The following PCDH7 variants were observed in gnomAD, a reference collection of about 807,000 sequenced individuals.
PCDH7 encodes protocadherin-7.
PCDH7 carries 17 observed loss-of-function variants against 58.9 expected under a neutral mutation model. That is an observed-to-expected ratio of 0.29 (90% CI 0.20 to 0.43). The LOEUF is 0.43. Ranked by LOEUF, PCDH7 falls within the 20% of genes least tolerant of loss-of-function variation. PCDH7 has a pLI of 1.00. For synonymous variants in PCDH7, 664 were observed against 616.4 expected, an observed-to-expected ratio of 1.08 and a Z score of -1.14; for missense variants, 1,274 against 1,441.0, an observed-to-expected ratio of 0.88 and a Z score of 1.88.
intron 1 of PCDH7, among the ~76,000 whole-genome samples, chr4:30,816,600 A>C (rs980021841): frequency 6.6e-6 from 1 of 152,072 alleles, no homozygotes; most frequent in Non-Finnish European, 1.5e-5. Flanking sequence ...ATATGTTTAC[A>C]ATGATAAATC....
intron 1 of PCDH7, among the ~76,000 whole-genome samples, chr4:30,836,156 A>G (rs1210183169): frequency 6.6e-6 from 1 of 152,214 alleles, no homozygotes; most frequent in Non-Finnish European, 1.5e-5. Context: ...AGATGTTGTA[A>G]GTACTGACTT....
intron 1 of PCDH7, among the ~76,000 whole-genome samples, chr4:30,849,602 T>A (rs1732450416): frequency 6.6e-6 from 1 of 152,284 alleles, no homozygotes; most frequent in Admixed American, 6.5e-5. Flanking sequence ...TATATAATTT[T>A]GTAAGTTTAT....
chr4:30,867,426 G>T (rs530832850), intron 1 of PCDH7, among the ~76,000 whole-genome samples: 2 of 152,156 alleles, frequency 1.3e-5, no homozygotes, highest in South Asian at 2.1e-4. Flanking sequence ...CTATACTTCA[G>T]GGCACCTAAT....
At chr4:30,797,141 A>G (rs1300281328) in intron 1 of PCDH7, among the ~76,000 whole-genome samples, 4 of 140,192 alleles carry the variant, frequency 2.9e-5, no homozygotes. Flanking sequence ...TTATATTTTT[A>G]GTAGAGATGA....
intron 3 of PCDH7, among the ~76,000 whole-genome samples, chr4:31,108,399 A>T (rs1324874762): frequency 8.0e-5 from 8 of 100,210 alleles, no homozygotes; most frequent in African/African-American, 3.7e-4. Context: ...AAAAAAAAAA[A>T]AAAAAAAAAA....
At chr4:31,074,344 G>A (rs1758794123) in intron 3 of PCDH7, among the ~76,000 whole-genome samples, 1 of 151,402 alleles carries the variant, frequency 6.6e-6, no homozygotes, top group Admixed American at 6.6e-5. Context: ...TAGTTGAATG[G>A]ATGAAGATAT....
chr4:30,836,422 T>A (rs1205895084), intron 1 of PCDH7, among the ~76,000 whole-genome samples: 1 of 152,194 alleles, frequency 6.6e-6, no homozygotes, highest in East Asian at 1.9e-4. Context: ...AATGTTGTCT[T>A]TGGCAAGAAA....
chr4:30,944,267 G>T (rs1185200932), intron 2 of PCDH7, among the ~76,000 whole-genome samples: 1 of 151,996 alleles, frequency 6.6e-6, no homozygotes, highest in African/African-American at 2.4e-5. Context: ...ATGTGCAAAA[G>T]TGTCAAATAA....
chr4:31,089,678 T>C (rs969807990), intron 3 of PCDH7, among the ~76,000 whole-genome samples: 1 of 152,108 alleles, frequency 6.6e-6, no homozygotes, highest in Non-Finnish European at 1.5e-5. Context: ...CTTGAGAATT[T>C]CTAAAGCCAT....
intron 3 of PCDH7, among the ~76,000 whole-genome samples, chr4:31,022,522 T>C (rs1754107243): frequency 6.6e-6 from 1 of 152,192 alleles, no homozygotes. Flanking sequence ...GTACATTTCT[T>C]ATATGTTTAT....
intron 3 of PCDH7, among the ~76,000 whole-genome samples, chr4:31,076,735 G>A (rs778597966): frequency 2.8e-4 from 43 of 152,122 alleles, no homozygotes; most frequent in Non-Finnish European, 5.7e-4. Flanking sequence ...CATACAGGGA[G>A]ATCTGGCATG....
At chr4:30,845,328 A>T (rs1423003470) in intron 1 of PCDH7, among the ~76,000 whole-genome samples, 2 of 152,072 alleles carry the variant, frequency 1.3e-5, no homozygotes. Flanking sequence ...TTAGTGTGAG[A>T]TGTTTATTTT....
Position 31,074,784 on chromosome 4 carries a change from CAA to C in PCDH7, c.*8-67667_*8-67666del, listed in dbSNP as rs1157267696. On this transcript the variant is annotated intron_variant, in intron 3 of 3. Coordinates refer to the PCDH7 transcript ENST00000509759. ...TGGGCTACAGAGGGAGATTCCGTCT[CAA>C]AAAAAAAAAAAAAAAAAAAAAGCTG... Among the ~76,000 whole-genome samples the C allele has an allele frequency of 5.0e-4, 26 of 52,468 alleles. 1 individual carries two copies. Among genetic ancestry groups the C allele is most frequent in the African/African-American group, 1.4e-3 (16 of 11,338 alleles). The allele number at this position is 52,468 out of a possible 152,430, so 34.4% of individuals were successfully genotyped here.
intron 1 of PCDH7, among the ~76,000 whole-genome samples, chr4:30,842,686 G>A (rs1415337960): frequency 6.6e-6 from 1 of 152,030 alleles, no homozygotes; most frequent in African/African-American, 2.4e-5. Context: ...AGGTTGTGAA[G>A]GATCTGGAAC....
chr4:30,832,902 G>A (rs913623896), intron 1 of PCDH7, among the ~76,000 whole-genome samples: 11 of 152,150 alleles, frequency 7.2e-5, no homozygotes, highest in African/African-American at 2.4e-4. Context: ...GTGGCAGGTC[G>A]AAATACTCAG....
intron 3 of PCDH7, among the ~76,000 whole-genome samples, chr4:30,972,887 AC>A (rs1487137723): frequency 6.6e-6 from 1 of 151,888 alleles, no homozygotes; most frequent in Admixed American, 6.6e-5. Flanking sequence ...AGCCCTCACC[AC>A]CTTTCTTGCC....
intron 1 of PCDH7, among the ~76,000 whole-genome samples, chr4:30,842,296 A>T (rs1731316409): frequency 1.3e-5 from 2 of 152,194 alleles, no homozygotes; most frequent in Non-Finnish European, 2.9e-5. Context: ...AATGCATAGA[A>T]ATACATAACT....
chr4:31,018,887 T>C (rs1168111189), intron 3 of PCDH7, among the ~76,000 whole-genome samples: 1 of 152,162 alleles, frequency 6.6e-6, no homozygotes, highest in Admixed American at 6.5e-5. Flanking sequence ...AAATGAAATA[T>C]CTCTAGCCTT....
chr4:31,106,271 A>T (rs567190017), intron 3 of PCDH7, among the ~76,000 whole-genome samples: 2 of 152,250 alleles, frequency 1.3e-5, no homozygotes, highest in South Asian at 2.1e-4. Flanking sequence ...TCTTGAGGTG[A>T]AACCTTAATA....
Sources: allele counts gnomAD v4.1 joint callset (sites outside exome capture counted in the v4.1 genomes callset), GRCh38; gene constraint gnomAD v4.1.1; transcripts MANE v1.5; gene names NCBI Gene and HGNC (gene_info 2026-07-23, HGNC 2026-07-21).